MEMO1: variants seen among roughly 807,000 people sequenced by gnomAD.
MEMO1 encodes protein MEMO1.
MEMO1 carries 6 observed loss-of-function variants against 45.2 expected under a neutral mutation model. The ratio of observed to expected loss-of-function variants is 0.13; its 90% CI spans 0.07 to 0.26. The LOEUF (loss-of-function observed/expected upper bound fraction) is 0.26. Among genes scored for constraint, MEMO1 ranks in the 10% least tolerant of loss-of-function variants. The probability of loss-of-function intolerance (pLI) is 1.00; values close to 1 mark genes in which losing one functional copy is unlikely to be tolerated. For missense variants in MEMO1, 184 were observed against 370.5 expected (o/e 0.50, Z 4.13); for synonymous variants, 78 against 124.3 (o/e 0.63, Z 2.48).
chr2:31,947,363 T>C (rs200319400), intron 2 of MEMO1, among the ~76,000 whole-genome samples: 1 of 152,212 alleles, frequency 6.6e-6, no homozygotes, highest in African/African-American at 2.4e-5. Context: ...TAATTAAGCA[T>C]ACCTATTTAT....
intron 3 of MEMO1, among the ~76,000 whole-genome samples, chr2:31,933,351 T>TAAAAAAAA (rs869274123): frequency 2.2e-5 from 1 of 45,090 alleles, no homozygotes; most frequent in Non-Finnish European, 3.7e-5. Flanking sequence ...AAAAAAAAAT[T>TAAAAAAAA]TATATATATA....
At chr2:32,008,751 C>T (rs762079873) in intron 2 of MEMO1, among the ~76,000 whole-genome samples, 15 of 152,222 alleles carry the variant, frequency 9.9e-5, no homozygotes, top group Non-Finnish European at 1.6e-4. Flanking sequence ...TAATGCAAAA[C>T]TATAGCTACC....
At chr2:32,006,458 T>G (rs1480783837) in intron 2 of MEMO1, among the ~76,000 whole-genome samples, 1 of 152,214 alleles carries the variant, frequency 6.6e-6, no homozygotes, top group Non-Finnish European at 1.5e-5. Flanking sequence ...GCAAATTTTT[T>G]CTATGAAGAG....
intron 6 of MEMO1, among the ~76,000 whole-genome samples, chr2:31,916,518 T>C (rs1317471869): frequency 2.0e-5 from 3 of 152,228 alleles, no homozygotes; most frequent in Non-Finnish European, 4.4e-5. Flanking sequence ...CAAGCACCAC[T>C]GCACCCAAAG....
intron 5 of MEMO1, 89 bp downstream of exon 5, chr2:31,920,709 T>C: frequency 3.1e-6 from 2 of 655,572 alleles, no homozygotes; most frequent in Non-Finnish European, 4.7e-6. Flanking sequence ...AGATATTACT[T>C]ATGATATTCA....
chr2:31,990,681 A>C (rs1042981832), intron 2 of MEMO1, among the ~76,000 whole-genome samples: 1 of 150,852 alleles, frequency 6.6e-6, no homozygotes, highest in Non-Finnish European at 1.5e-5. Flanking sequence ...TGCTAGGATT[A>C]CAGGTATGAG....
chr2:31,888,828 G>A (rs1676541397), intron 7 of MEMO1, among the ~76,000 whole-genome samples: 2 of 151,978 alleles, frequency 1.3e-5, no homozygotes, highest in African/African-American at 4.8e-5. Context: ...ATTGAAAGAA[G>A]GGGGATAATG....
At chr2:31,905,170 G>C (rs1679479481) in intron 6 of MEMO1, among the ~76,000 whole-genome samples, 1 of 152,096 alleles carries the variant, frequency 6.6e-6, no homozygotes, top group South Asian at 2.1e-4. Flanking sequence ...GGAGGTGGAG[G>C]CTGTGGTGAG....
intron 2 of MEMO1, among the ~76,000 whole-genome samples, chr2:31,984,746 C>T (rs1296043129): frequency 6.6e-6 from 1 of 152,094 alleles, no homozygotes; most frequent in Non-Finnish European, 1.5e-5. Context: ...ACAGAGCTTG[C>T]GGTGAGCCAA....
At chr2:31,949,050 TAC>T (rs2148348517) in intron 2 of MEMO1, among the ~76,000 whole-genome samples, 1 of 152,168 alleles carries the variant, frequency 6.6e-6, no homozygotes, top group East Asian at 1.9e-4. Context: ...AAATCAAAAC[TAC>T]AATGAGATAT....
chr2:31,910,743 C>T (rs1268202713), intron 6 of MEMO1, among the ~76,000 whole-genome samples: 1 of 151,970 alleles, frequency 6.6e-6, no homozygotes, highest in African/African-American at 2.4e-5. Flanking sequence ...GTCTGTAGTC[C>T]CAGCTACTCG....
chr2:31,890,567 T>C (rs532822539), intron 7 of MEMO1, among the ~76,000 whole-genome samples: 116 of 152,146 alleles, frequency 7.6e-4, no homozygotes, highest in African/African-American at 2.7e-3. Flanking sequence ...AGCTAACCAA[T>C]AAAATCAGTA....
chr2:31,954,846 AAAAG>A (rs1325356634), intron 2 of MEMO1, among the ~76,000 whole-genome samples: 2 of 152,000 alleles, frequency 1.3e-5, no homozygotes, highest in Non-Finnish European at 2.9e-5. Context: ...AAAAAAAAAA[AAAAG>A]AAAGATCCCT....
intron 6 of MEMO1, among the ~76,000 whole-genome samples, chr2:31,915,531 G>T (rs1338061545): frequency 6.6e-6 from 1 of 151,684 alleles, no homozygotes; most frequent in Non-Finnish European, 1.5e-5. Context: ...GAAACTTCTG[G>T]TTTTACTCTC....
chr2:31,900,838 A>C (rs1373782743), intron 6 of MEMO1, among the ~76,000 whole-genome samples: 1 of 152,228 alleles, frequency 6.6e-6, no homozygotes, highest in African/African-American at 2.4e-5. Context: ...TGCAAGCCTC[A>C]TGCACTATTC....
intron 7 of MEMO1, among the ~76,000 whole-genome samples, chr2:31,888,675 C>T (rs1435238443): frequency 6.6e-6 from 1 of 152,026 alleles, no homozygotes; most frequent in African/African-American, 2.4e-5. Context: ...CTGCTAGTAA[C>T]AGAAAGGATG....
chr2:31,885,022 G>A (rs1023403021), intron 7 of MEMO1, among the ~76,000 whole-genome samples: 9 of 152,080 alleles, frequency 5.9e-5, no homozygotes, highest in Middle Eastern at 3.2e-3. Context: ...AAAATTTAGA[G>A]TAAGGTATAG....
At chr2:31,937,430 ATAAT>A (rs1223003963) in intron 3 of MEMO1, among the ~76,000 whole-genome samples, 1 of 152,206 alleles carries the variant, frequency 6.6e-6, no homozygotes, top group African/African-American at 2.4e-5. Context: ...AGTACAAACA[ATAAT>A]TAGAGACAAA....
At chr2:31,916,783 T>C (rs1267315129) in intron 6 of MEMO1, among the ~76,000 whole-genome samples, 2 of 152,214 alleles carry the variant, frequency 1.3e-5, no homozygotes, top group Non-Finnish European at 1.5e-5. Context: ...TAATTCCTCA[T>C]GGTTATCATT....
Sources: allele counts gnomAD v4.1 joint callset (sites outside exome capture counted in the v4.1 genomes callset), GRCh38; gene constraint gnomAD v4.1.1; transcripts MANE v1.5; gene names NCBI Gene and HGNC (gene_info 2026-07-23, HGNC 2026-07-21).